Variants in DAB1 observed in about 807,000 individuals in gnomAD.
DAB1 encodes the protein disabled homolog 1.
DAB1 carries 15 observed loss-of-function variants against 64.6 expected under a neutral mutation model. The ratio of observed to expected loss-of-function variants is 0.23; its 90% CI spans 0.16 to 0.36. The LOEUF (loss-of-function observed/expected upper bound fraction) is 0.36. Among genes scored for constraint, DAB1 ranks in the 10% least tolerant of loss-of-function variants. The pLI, the probability that DAB1 is intolerant of heterozygous loss-of-function variation, is 1.00. For synonymous variants in DAB1, 235 were observed against 251.9 expected (o/e 0.93, Z 0.64); for missense variants, 596 against 706.7 (o/e 0.84, Z 1.78).
At chr1:57,249,385 T>C (rs1483241330) in intron 2 of DAB1, among the ~76,000 whole-genome samples, 1 of 152,198 alleles carries the variant, frequency 6.6e-6, no homozygotes, top group East Asian at 1.9e-4. Context: ...TGTTTATTTG[T>C]TTTGAGACAA....
At chr1:57,002,723 G>A (rs1259597414) in intron 14 of DAB1, among the ~76,000 whole-genome samples, 4 of 152,186 alleles carry the variant, frequency 2.6e-5, no homozygotes, top group Middle Eastern at 3.2e-3. Context: ...TGTTCAACAG[G>A]AGAATGCCAG....
intron 3 of DAB1, among the ~76,000 whole-genome samples, chr1:58,471,868 C>T (rs1351856351): frequency 1.3e-5 from 2 of 152,132 alleles, no homozygotes; most frequent in Non-Finnish European, 2.9e-5. Context: ...TCCTGTACAG[C>T]CTGCAGAACC....
chr1:57,141,523 T>C (rs975476358), intron 3 of DAB1, among the ~76,000 whole-genome samples: 1 of 152,204 alleles, frequency 6.6e-6, no homozygotes, highest in Non-Finnish European at 1.5e-5. Context: ...CCACTGTTGC[T>C]AGATTCTGAG....
At chr1:57,791,212 A>T (rs868023714) in intron 6 of DAB1, among the ~76,000 whole-genome samples, 2 of 152,218 alleles carry the variant, frequency 1.3e-5, no homozygotes. Context: ...CCAAGGAAGG[A>T]TCCACCAGTT....
At chr1:57,568,452 T>C (rs529338812) in intron 7 of DAB1, among the ~76,000 whole-genome samples, 1 of 152,328 alleles carries the variant, frequency 6.6e-6, no homozygotes, top group African/African-American at 2.4e-5. Context: ...AAAGAGCTTC[T>C]GCATAGCAAA....
chr1:57,073,923 C>T (rs1035926517), intron 4 of DAB1, among the ~76,000 whole-genome samples: 1 of 152,222 alleles, frequency 6.6e-6, no homozygotes, highest in Admixed American at 6.5e-5. Flanking sequence ...GTCACCCACG[C>T]TGGAGTGCAA....
At chr1:57,921,602 C>A (rs1266569683) in intron 5 of DAB1, among the ~76,000 whole-genome samples, 1 of 152,062 alleles carries the variant, frequency 6.6e-6, no homozygotes, top group African/African-American at 2.4e-5. Flanking sequence ...GTACTTTTGA[C>A]ATAGATCCAG....
intron 9 of DAB1, among the ~76,000 whole-genome samples, chr1:57,034,487 C>A (rs1321148186): frequency 6.6e-6 from 1 of 152,134 alleles, no homozygotes; most frequent in Non-Finnish European, 1.5e-5. Context: ...GGGTCTCCCC[C>A]TGCAGCTGGT....
At chr1:57,602,953 C>T (rs185183382) in intron 7 of DAB1, among the ~76,000 whole-genome samples, 2 of 152,278 alleles carry the variant, frequency 1.3e-5, no homozygotes, top group East Asian at 3.9e-4. Context: ...ATGATCACCA[C>T]AAACTACATG....
chr1:57,323,047 ATTTT>A (rs10671263), intron 1 of DAB1, among the ~76,000 whole-genome samples: 8,754 of 151,640 alleles, frequency 0.058, 827 homozygotes, highest in African/African-American at 0.2. Flanking sequence ...GAGTTCTGAG[ATTTT>A]TTTTTGCATT....
chr1:57,216,860 G>A (rs949036533), intron 2 of DAB1, among the ~76,000 whole-genome samples: 2 of 152,202 alleles, frequency 1.3e-5, no homozygotes, highest in Admixed American at 1.3e-4. Flanking sequence ...CGTAAGGCAG[G>A]ACTGGGATTT....
chr1:57,045,111 C>T (rs1648292921), intron 9 of DAB1, among the ~76,000 whole-genome samples: 1 of 152,070 alleles, frequency 6.6e-6, no homozygotes, highest in Non-Finnish European at 1.5e-5. Context: ...GAGTATGTGC[C>T]CATAACAATT....
chr1:57,994,799 G>A (rs578114469), intron 5 of DAB1, among the ~76,000 whole-genome samples: 2 of 152,278 alleles, frequency 1.3e-5, no homozygotes, highest in Admixed American at 6.5e-5. Flanking sequence ...ACTCTAAAGG[G>A]TGATGGAATT....
At chr1:58,394,973 G>A (rs1215212948) in intron 3 of DAB1, among the ~76,000 whole-genome samples, 1 of 148,828 alleles carries the variant, frequency 6.7e-6, no homozygotes, top group Non-Finnish European at 1.5e-5. Context: ...ACAAGGTATA[G>A]AGGAAGCAAA....
intron 7 of DAB1, among the ~76,000 whole-genome samples, chr1:57,523,236 G>A (rs892933986): frequency 3.9e-5 from 6 of 152,090 alleles, no homozygotes; most frequent in African/African-American, 7.2e-5. Context: ...CTTCTCAAGC[G>A]ACAGATTAAG....
intron 7 of DAB1, among the ~76,000 whole-genome samples, chr1:57,647,201 T>C (rs1480319715): frequency 6.6e-6 from 1 of 152,168 alleles, no homozygotes; most frequent in East Asian, 1.9e-4. Flanking sequence ...CGTTTCTTCT[T>C]TATCTCCACT....
At chr1:57,609,117 A>G (rs1357283924) in intron 7 of DAB1, among the ~76,000 whole-genome samples, 53 of 152,242 alleles carry the variant, frequency 3.5e-4, no homozygotes, top group South Asian at 2.5e-3. Context: ...CATGGCCCCA[A>G]TAGGCATTTG....
intron 5 of DAB1, among the ~76,000 whole-genome samples, chr1:58,105,886 T>C (rs1651605395): frequency 6.6e-6 from 1 of 152,166 alleles, no homozygotes; most frequent in African/African-American, 2.4e-5. Context: ...CATTCAGTCA[T>C]CCTCTTATTT....
intron 5 of DAB1, chr1:58,047,870 G>A (rs1235175646): frequency 2.1e-5 from 6 of 284,778 alleles, no homozygotes; most frequent in African/African-American, 4.4e-5. Context: ...TCAGCATCAC[G>A]ATCAGACTAT....
Sources: gnomAD v4.1 joint callset for allele counts (sites outside exome capture counted in the v4.1 genomes callset) on GRCh38, gnomAD v4.1.1 for gene constraint, MANE v1.5 for transcripts, NCBI Gene and HGNC (gene_info 2026-07-23, HGNC 2026-07-21) for gene names.